The following COL5A1 variants were observed in gnomAD, a reference collection of about 807,000 sequenced individuals.
The protein encoded by COL5A1 is collagen type V alpha 1 chain.
A neutral mutation model predicts 263.7 loss-of-function variants in COL5A1; 16 were observed. The ratio of observed to expected loss-of-function variants is 0.06; its 90% CI spans 0.04 to 0.09. The LOEUF (loss-of-function observed/expected upper bound fraction) is 0.09, where lower values mean the gene tolerates loss of function less well. COL5A1 is among the 10% of genes least tolerant of loss of function. The pLI, the probability that COL5A1 is intolerant of heterozygous loss-of-function variation, is 1.00. For missense variants in COL5A1, 2,036 were observed against 2,540.5 expected (o/e 0.80, Z 4.27); for synonymous variants, 1,012 against 1,004.5 (o/e 1.01, Z -0.14).
intron 11 of COL5A1, among the ~76,000 whole-genome samples, chr9:134,749,020 C>G (rs540813866): frequency 6.6e-6 from 1 of 152,150 alleles, no homozygotes; most frequent in Admixed American, 6.6e-5. Flanking sequence ...GGGTGGATCA[C>G]GAGGTCAGGA....
intron 38 of COL5A1, 88 bp from the exon 39 acceptor site, chr9:134,802,800 C>A: frequency 9.9e-7 from 1 of 1,007,266 alleles, no homozygotes; most frequent in Non-Finnish European, 1.5e-6. Context: ...GCGTCCATGA[C>A]CAGGGCTGTC....
In COL5A1 at chr9:134,696,259, T is replaced by C. The variant is rs11103466; in HGVS notation, c.278-3650T>C. ...TGTAATCTTGGCTCACGGCAACCTCTGCCTCCCAGGTTCAAGCGATTCTCC... is the reference window on the plus strand; with the variant it reads ...TGTAATCTTGGCTCACGGCAACCTCCGCCTCCCAGGTTCAAGCGATTCTCC... On this transcript the variant is annotated intron_variant, in intron 2 of 65. Transcript: ENST00000371817. The surrounding 1 kb of genome is among the most constrained non-coding windows in gnomAD (Gnocchi z 4.3). Among the ~76,000 whole-genome samples the C allele has an allele frequency of 0.056, 8,508 of 152,146 alleles. 297 individuals are homozygous for C. The highest frequency in any genetic ancestry group is 0.099 in the Middle Eastern group (29 of 294).
rs892629164 is a variant in COL5A1, at chr9:134,757,500, A to G, written c.1881+682A>G. Among the ~76,000 whole-genome samples the G allele has an allele frequency of 6.6e-6, 1 of 152,178 alleles. No homozygotes were observed. Among genetic ancestry groups the G allele is most frequent in the African/African-American group, 2.4e-5 (1 of 41,438 alleles). On this transcript the variant is annotated intron_variant, in intron 17 of 65. Transcript: ENST00000371817. This position sits in a 1 kb window ranked among gnomAD's most constrained non-coding sequence, Gnocchi z 6.2. ...GGAGACCGGGCACCAAAAAAATGCC[A>G]GGGCTCAACTACACCTGTTCCCTCT...
chr9:134,687,407 C>G (rs1181695165), intron 1 of COL5A1, among the ~76,000 whole-genome samples: 1 of 151,194 alleles, frequency 6.6e-6, no homozygotes, highest in Non-Finnish European at 1.5e-5. Flanking sequence ...CTGCTATTCT[C>G]TGGGACTTCA....
At chr9:134,654,450 T>TG (rs1588406203) in intron 1 of COL5A1, among the ~76,000 whole-genome samples, 7 of 84,772 alleles carry the variant, frequency 8.3e-5, no homozygotes, top group Admixed American at 2.6e-4. Flanking sequence ...TGTGTAGGGC[T>TG]GGTGTGTGTA....
At chr9:134,714,977 G>T (rs142948820) in intron 4 of COL5A1, among the ~76,000 whole-genome samples, 26,345 of 151,926 alleles carry the variant, frequency 0.17, 2,512 homozygotes, top group East Asian at 0.4. Flanking sequence ...TTTCTCGTTG[G>T]GTGGGACGAG....
chr9:134,747,734 C>T (rs1177678962), intron 11 of COL5A1, among the ~76,000 whole-genome samples: 3 of 151,538 alleles, frequency 2.0e-5, no homozygotes, highest in Non-Finnish European at 4.4e-5. Context: ...GACACATGCA[C>T]ACATGCAAAC....
intron 4 of COL5A1, among the ~76,000 whole-genome samples, chr9:134,721,715 C>T (rs774681775): frequency 3.9e-5 from 6 of 152,348 alleles, no homozygotes; most frequent in South Asian, 2.1e-4. Context: ...ACAGAAGGAG[C>T]GCTAGCTCGT....
chr9:134,711,784 C>A (rs1368384427), intron 4 of COL5A1, among the ~76,000 whole-genome samples: 1 of 152,018 alleles, frequency 6.6e-6, no homozygotes, highest in Admixed American at 6.5e-5. Flanking sequence ...CCCCTTCTTG[C>A]ATCTCCTGAT....
rs112440110 is a variant in COL5A1 at position 134,825,722 on chromosome 9, G to A, written c.4955-70G>A. The A allele has an allele frequency of 1.0e-3, 1,008 of 990,798 alleles. 8 individuals are homozygous for A. The highest frequency in any genetic ancestry group is 9.9e-3 in the African/African-American group (626 of 63,004). 61.4% of individuals were successfully genotyped at this position (990,798 alleles called of 1,614,324 possible). A position where few individuals can be genotyped will look rare whatever the true frequency, so the allele number is the denominator to read the frequency against. Reference sequence around the variant, plus strand: ...AACTGCTGGACTGAAATGTCACAGCGGCTTCCGGAACCATCCAGGGAGCAA... The same window carrying A: ...AACTGCTGGACTGAAATGTCACAGCAGCTTCCGGAACCATCCAGGGAGCAA... On this transcript the variant is annotated intron_variant, in intron 62 of 65. Transcript: ENST00000371817.
chr9:134,728,221 C>T (rs141757952), intron 5 of COL5A1, among the ~76,000 whole-genome samples: 11 of 152,374 alleles, frequency 7.2e-5, no homozygotes, highest in African/African-American at 2.4e-4. Context: ...CCTCCCAGCT[C>T]CTGGTGTGGG....
intron 16 of COL5A1, 107 bp from the exon 17 acceptor site, chr9:134,756,658 C>T (rs947204369): frequency 3.5e-5 from 43 of 1,221,420 alleles, no homozygotes; most frequent in African/African-American, 6.0e-5. Flanking sequence ...TGGGGGTGGG[C>T]GCGGCTCTGG....
chr9:134,674,977 A>G (rs545968691), intron 1 of COL5A1, among the ~76,000 whole-genome samples: 30 of 152,314 alleles, frequency 2.0e-4, no homozygotes, highest in Admixed American at 1.2e-3. Context: ...TCACGTTTCA[A>G]TATTCCCTTA....
At chr9:134,662,789 G>T (rs1489033732) in intron 1 of COL5A1, among the ~76,000 whole-genome samples, 3 of 152,210 alleles carry the variant, frequency 2.0e-5, no homozygotes, top group Non-Finnish European at 4.4e-5. Context: ...AACCCTCTGG[G>T]CTGCAAAGCG....
At chr9:134,839,578 C>G (rs1839957136) in intron 65 of COL5A1, among the ~76,000 whole-genome samples, 1 of 152,218 alleles carries the variant, frequency 6.6e-6, no homozygotes, top group African/African-American at 2.4e-5. Flanking sequence ...TGACCTGTCG[C>G]CGAGCTCACT....
chr9:134,644,118 C>T (rs940554542), intron 1 of COL5A1, among the ~76,000 whole-genome samples: 5 of 151,918 alleles, frequency 3.3e-5, no homozygotes, highest in African/African-American at 1.2e-4. Flanking sequence ...AACGTCTCTC[C>T]ACCTCCCAGG....
chr9:134,760,058 C>A (rs1416751906), intron 18 of COL5A1, among the ~76,000 whole-genome samples: 2 of 132,644 alleles, frequency 1.5e-5, no homozygotes, highest in African/African-American at 6.1e-5. Flanking sequence ...ACCCACACAC[C>A]CCCACACTCA....
intron 4 of COL5A1, among the ~76,000 whole-genome samples, chr9:134,722,498 C>A (rs772866669): frequency 1.3e-5 from 2 of 152,212 alleles, no homozygotes; most frequent in Non-Finnish European, 2.9e-5. Context: ...TTGTGCCGGA[C>A]ACGCCCATGA....
At chr9:134,668,316 A>C (rs1175214622) in intron 1 of COL5A1, among the ~76,000 whole-genome samples, 1 of 152,220 alleles carries the variant, frequency 6.6e-6, no homozygotes, top group Non-Finnish European at 1.5e-5. Context: ...GATGAGGTCT[A>C]GGAGATGAAT....
Sources: gnomAD v4.1 joint callset for allele counts (sites outside exome capture counted in the v4.1 genomes callset) on GRCh38, gnomAD v4.1.1 for gene constraint, Gnocchi (gnomAD v3.1) non-coding constraint, MANE v1.5 for transcripts, NCBI Gene and HGNC (gene_info 2026-07-23, HGNC 2026-07-21) for gene names.